Variants in ADAM32 observed in about 807,000 individuals in gnomAD.
ADAM32 encodes ADAM metallopeptidase domain 32, also known as disintegrin and metalloproteinase domain-containing protein 32.
In ADAM32, 89 loss-of-function variants were observed where a neutral mutation model predicts 114.9. That is an observed-to-expected ratio of 0.77 (90% confidence interval 0.65 to 0.92). The LOEUF is 0.92. Among genes scored for constraint, ADAM32 ranks in the 40% least tolerant of loss-of-function variants. The pLI, the probability that ADAM32 is intolerant of heterozygous loss-of-function variation, is 0.00. For missense variants in ADAM32, 870 were observed against 932.8 expected (o/e 0.93, Z 0.88); for synonymous variants, 285 against 307.5 (o/e 0.93, Z 0.77).
At chr8:39,155,730 T>G (rs1804102543) in intron 6 of ADAM32, among the ~76,000 whole-genome samples, 1 of 152,240 alleles carries the variant, frequency 6.6e-6, no homozygotes, top group Non-Finnish European at 1.5e-5. Context: ...GTTTTCTATA[T>G]GTCTTCTATC....
At chr8:39,224,019 T>C (rs1210545173) in intron 14 of ADAM32, 2 of 152,174 alleles carry the variant, frequency 1.3e-5, no homozygotes, top group Non-Finnish European at 2.9e-5. Flanking sequence ...TGTGTGTTTG[T>C]GTATATGTAT....
chr8:39,205,069 G>A (rs1034757094), intron 11 of ADAM32, among the ~76,000 whole-genome samples: 3 of 152,224 alleles, frequency 2.0e-5, no homozygotes, highest in Non-Finnish European at 4.4e-5. Context: ...GGCTACTCGG[G>A]GGTCAGGGAC....
chr8:39,110,850 T>C (rs1840127578), intron 1 of ADAM32, among the ~76,000 whole-genome samples: 1 of 152,218 alleles, frequency 6.6e-6, no homozygotes, highest in South Asian at 2.1e-4. Context: ...AATTTGGGGA[T>C]GGCATTTTCA....
chr8:39,157,930 A>T (rs1804239725), intron 6 of ADAM32: 1 of 381,176 alleles, frequency 2.6e-6, no homozygotes, highest in Non-Finnish European at 5.0e-6. Flanking sequence ...AGTACGTGCC[A>T]CAGAGAAGGT....
chr8:39,149,993 C>G (rs1803727182), intron 5 of ADAM32, 126 bp downstream of exon 5: 1 of 576,982 alleles, frequency 1.7e-6, no homozygotes, highest in African/African-American at 1.9e-5. Context: ...AATGATATCC[C>G]CCTCTGAACA....
At chr8:39,214,770 A>C (rs182151243) in intron 12 of ADAM32, among the ~76,000 whole-genome samples, 6 of 152,228 alleles carry the variant, frequency 3.9e-5, no homozygotes, top group Admixed American at 3.9e-4. Flanking sequence ...GTCCAGTCCA[A>C]TGTCCTGGAG....
intron 11 of ADAM32, among the ~76,000 whole-genome samples, chr8:39,201,673 G>A (rs1001084205): frequency 5.9e-5 from 9 of 152,286 alleles, no homozygotes; most frequent in East Asian, 1.9e-4. Context: ...TGTTGAATAC[G>A]AGTGGTAAGA....
At chr8:39,184,395 G>T (rs1178191958) in intron 10 of ADAM32, among the ~76,000 whole-genome samples, 2 of 152,098 alleles carry the variant, frequency 1.3e-5, no homozygotes, top group Non-Finnish European at 1.5e-5. Flanking sequence ...CATAATTCTG[G>T]GATTTGGAAA....
intron 19 of ADAM32, among the ~76,000 whole-genome samples, chr8:39,260,819 A>G (rs1811975492): frequency 6.6e-6 from 1 of 152,100 alleles, no homozygotes; most frequent in African/African-American, 2.4e-5. Flanking sequence ...TCTGAGAAGG[A>G]TTAGTATTAA....
chr8:39,209,750 G>T (rs1418980568), intron 11 of ADAM32, among the ~76,000 whole-genome samples: 3 of 152,146 alleles, frequency 2.0e-5, no homozygotes, highest in African/African-American at 7.2e-5. Context: ...ATCCAACCCT[G>T]ATGGACTTGG....
intron 1 of ADAM32, among the ~76,000 whole-genome samples, chr8:39,108,606 A>G (rs1588450572): frequency 6.6e-6 from 1 of 152,222 alleles, no homozygotes; most frequent in Admixed American, 6.5e-5. Context: ...AAGACATGCC[A>G]TGTACTGACT....
At chr8:39,231,396 C>T (rs1179386750) in intron 14 of ADAM32, among the ~76,000 whole-genome samples, 2 of 151,966 alleles carry the variant, frequency 1.3e-5, no homozygotes, top group Non-Finnish European at 1.5e-5. Flanking sequence ...TCAGATGACA[C>T]TGCAGCCCCA....
intron 22 of ADAM32, among the ~76,000 whole-genome samples, chr8:39,278,745 G>A (rs1046470607): frequency 1.3e-5 from 2 of 151,800 alleles, no homozygotes; most frequent in African/African-American, 4.8e-5. Flanking sequence ...ATTTATTGTT[G>A]AATCCATTGA....
intron 2 of ADAM32, among the ~76,000 whole-genome samples, chr8:39,124,340 G>C (rs1801978922): frequency 6.6e-6 from 1 of 151,940 alleles, no homozygotes; most frequent in African/African-American, 2.4e-5. Flanking sequence ...CCATGTCTCT[G>C]CAAAGGACAT....
At chr8:39,251,742 T>A (rs1414994409) in intron 17 of ADAM32, among the ~76,000 whole-genome samples, 1 of 151,926 alleles carries the variant, frequency 6.6e-6, no homozygotes, top group Non-Finnish European at 1.5e-5. Context: ...TTTGTTTATT[T>A]TTGCTTATGT....
At chr8:39,273,399 T>G (rs1480406740) in intron 20 of ADAM32, among the ~76,000 whole-genome samples, 1 of 151,988 alleles carries the variant, frequency 6.6e-6, no homozygotes, top group African/African-American at 2.4e-5. Flanking sequence ...TGGTGGCACA[T>G]GCCTGTAATC....
At chr8:39,228,462 G>A (rs1398015106) in intron 14 of ADAM32, among the ~76,000 whole-genome samples, 2 of 152,128 alleles carry the variant, frequency 1.3e-5, no homozygotes, top group African/African-American at 2.4e-5. Context: ...AATTATTCAA[G>A]GAAATAGGTA....
chr8:39,212,265 C>T lies in ADAM32; in HGVS notation c.1233+941C>T, dbSNP rs113466311. On this transcript the variant is annotated intron_variant, in intron 12 of 24. Transcript: ENST00000379907. The stretch of plus-strand genomic sequence containing the variant: ...CTGACCTCAAGTAATCCACCTGCCT[C>T]GGCCTCCCAAAGTGCTGGGATTGCA... Among the ~76,000 whole-genome samples the T allele has an allele frequency of 3.3e-3, 504 of 152,192 alleles. 1 individual carries two copies. Among genetic ancestry groups the T allele is most frequent in the African/African-American group, 0.011 (476 of 41,526 alleles).
intron 2 of ADAM32, among the ~76,000 whole-genome samples, chr8:39,133,970 G>A (rs1041737309): frequency 6.6e-6 from 1 of 152,154 alleles, no homozygotes; most frequent in African/African-American, 2.4e-5. Flanking sequence ...CTCAGGTTCT[G>A]GGGAGTGCAT....
Sources: gnomAD v4.1 joint callset for allele counts (sites outside exome capture counted in the v4.1 genomes callset) on GRCh38, gnomAD v4.1.1 for gene constraint, MANE v1.5 for transcripts, NCBI Gene and HGNC (gene_info 2026-07-23, HGNC 2026-07-21) for gene names.